The following RGS6 variants were observed in gnomAD, a reference collection of about 807,000 sequenced individuals.
RGS6 encodes the protein regulator of G-protein signaling 6.
A neutral mutation model predicts 78.5 loss-of-function variants in RGS6; 30 were observed. That is an observed-to-expected ratio of 0.38 (90% CI 0.29 to 0.52). RGS6 has a LOEUF of 0.52. Ranked by LOEUF, RGS6 falls within the 20% of genes least tolerant of loss-of-function variation. The pLI is 0.85. For missense variants in RGS6, 495 were observed against 609.7 expected (o/e 0.81, Z 1.98); for synonymous variants, 206 against 206.0 (o/e 1.00, Z 0.00).
chr14:72,174,344 C>T (rs374023128), intron 2 of RGS6, among the ~76,000 whole-genome samples: 4 of 152,224 alleles, frequency 2.6e-5, no homozygotes, highest in South Asian at 2.1e-4. Context: ...GTGATCTGCC[C>T]GCCTTGGCCA....
At chr14:72,269,567 AT>A (rs56171281) in intron 2 of RGS6, among the ~76,000 whole-genome samples, 195 of 120,294 alleles carry the variant, frequency 1.6e-3, no homozygotes, top group African/African-American at 3.1e-3. Flanking sequence ...CCTATCTTAA[AT>A]TTTTTTTTTT....
intron 2 of RGS6, among the ~76,000 whole-genome samples, chr14:72,065,621 G>A (rs561839177): frequency 1.3e-5 from 2 of 152,140 alleles, no homozygotes; most frequent in Non-Finnish European, 2.9e-5. Context: ...ATCCTCAAAC[G>A]TCATTGGGGT....
At chr14:72,608,642 G>A in the RGS6 span, among the ~76,000 whole-genome samples, 2 of 152,098 alleles carry the variant, frequency 1.3e-5, no homozygotes, top group East Asian at 3.9e-4. Flanking sequence ...TTCTCTGAGG[G>A]GTCTCCAGAA....
the RGS6 span, among the ~76,000 whole-genome samples, chr14:72,624,531 G>A: frequency 6.6e-6 from 1 of 151,910 alleles, no homozygotes; most frequent in Non-Finnish European, 1.5e-5. Context: ...TAGAGACAGG[G>A]CTTCACCAAG....
At chr14:72,008,337 G>C (rs1262836478) in intron 2 of RGS6, among the ~76,000 whole-genome samples, 1 of 152,200 alleles carries the variant, frequency 6.6e-6, no homozygotes, top group Non-Finnish European at 1.5e-5. Context: ...GGCTGATTTA[G>C]ATGATGAGGG....
rs544731482 is a variant in RGS6, at chr14:72,001,310, C to T, written c.84+36435C>T. ...TGAAATCAGTGTGTTGATGATTTTT[C>T]CTACCTCATAGAATTCTTTAAAAAT... On this transcript the variant is annotated intron_variant, in intron 2 of 17. Coordinates refer to ENST00000553525, the MANE Select transcript of RGS6 (RefSeq NM_001204424.2). Among the ~76,000 whole-genome samples, 5 of 152,260 alleles carry T rather than the reference C, an allele frequency of 3.3e-5. No homozygotes were observed. In the East Asian group the frequency reaches 5.8e-4, roughly 18 times the overall value.
intron 2 of RGS6, among the ~76,000 whole-genome samples, chr14:72,283,027 A>G (rs1595268370): frequency 6.6e-6 from 1 of 152,124 alleles, no homozygotes; most frequent in African/African-American, 2.4e-5. Flanking sequence ...ACCATGTAGT[A>G]TTTGTCCTTC....
At chr14:72,189,913 C>T (rs1379755136) in intron 2 of RGS6, among the ~76,000 whole-genome samples, 2 of 152,172 alleles carry the variant, frequency 1.3e-5, no homozygotes, top group Non-Finnish European at 2.9e-5. Context: ...TATAGGGCCT[C>T]GTTCATAAAA....
At chr14:72,576,219 C>T in the RGS6 span, among the ~76,000 whole-genome samples, 1 of 152,140 alleles carries the variant, frequency 6.6e-6, no homozygotes. Flanking sequence ...ATATTTCCTC[C>T]AGGTCCTATA....
the RGS6 span, chr14:72,619,278 CAT>C: frequency 2.0e-6 from 3 of 1,535,844 alleles, no homozygotes; most frequent in South Asian, 3.6e-5. Context: ...CAGCGAGTCA[CAT>C]TCTGTGACCT....
At chr14:72,253,160 T>G (rs2056236808) in intron 2 of RGS6, among the ~76,000 whole-genome samples, 1 of 152,224 alleles carries the variant, frequency 6.6e-6, no homozygotes, top group African/African-American at 2.4e-5. Flanking sequence ...ACTATCCACA[T>G]CCGTGCTTAG....
chr14:72,209,984 T>C (rs1023493347), intron 2 of RGS6, among the ~76,000 whole-genome samples: 1 of 152,194 alleles, frequency 6.6e-6, no homozygotes, highest in African/African-American at 2.4e-5. Context: ...CCATATTAGG[T>C]AGATATTTAG....
In RGS6 at chr14:72,129,897, A is replaced by G. The variant is rs186421849; in HGVS notation, c.84+165022A>G. Among the ~76,000 whole-genome samples, 17 of 152,336 alleles carry G rather than the reference A, an allele frequency of 1.1e-4. No homozygotes were observed. The East Asian group carries it at 3.3e-3, about 29-fold the overall frequency. On this transcript the variant is annotated intron_variant, in intron 2 of 17. Coordinates refer to ENST00000553525, the MANE Select transcript of RGS6 (RefSeq NM_001204424.2). Reference sequence around the variant, plus strand: ...CACTGTTTTCCCATCGATAACTGGTATCAACCCAGCATCCTACAGCTCAAT... The same window carrying G: ...CACTGTTTTCCCATCGATAACTGGTGTCAACCCAGCATCCTACAGCTCAAT...
At chr14:72,130,434 C>A (rs150098812) in intron 2 of RGS6, among the ~76,000 whole-genome samples, 2 of 152,154 alleles carry the variant, frequency 1.3e-5, no homozygotes, top group Non-Finnish European at 2.9e-5. Flanking sequence ...TTGAAAGTTC[C>A]TCTAATTATG....
intron 2 of RGS6, among the ~76,000 whole-genome samples, chr14:72,006,102 T>C (rs1265126003): frequency 6.6e-6 from 1 of 152,178 alleles, no homozygotes; most frequent in Admixed American, 6.5e-5. Context: ...AAATGCTTCC[T>C]ATAGGCAGGA....
chr14:72,166,015 A>G (rs2096920225), intron 2 of RGS6, among the ~76,000 whole-genome samples: 1 of 151,476 alleles, frequency 6.6e-6, no homozygotes. Flanking sequence ...GTTAATTGAT[A>G]ATATGTATCT....
chr14:72,401,531 G>A (rs1254878260), intron 3 of RGS6, among the ~76,000 whole-genome samples: 1 of 151,718 alleles, frequency 6.6e-6, no homozygotes, highest in Non-Finnish European at 1.5e-5. Context: ...GGCAAAGAAT[G>A]AGAAGAGCTG....
chr14:71,931,814 C>T (rs926127727), upstream of RGS6, among the ~76,000 whole-genome samples: 1 of 152,194 alleles, frequency 6.6e-6, no homozygotes, highest in Non-Finnish European at 1.5e-5. Flanking sequence ...CTGCTTCCCC[C>T]AAGAATATCT....
chr14:72,063,107 G>A (rs766953445), intron 2 of RGS6, among the ~76,000 whole-genome samples: 8 of 152,228 alleles, frequency 5.3e-5, no homozygotes, highest in South Asian at 2.1e-4. Flanking sequence ...ACAATCATGC[G>A]CCACCACGCC....
Sources: gnomAD v4.1 joint callset for allele counts (sites outside exome capture counted in the v4.1 genomes callset) on GRCh38, gnomAD v4.1.1 for gene constraint, MANE v1.5 for transcripts, NCBI Gene and HGNC (gene_info 2026-07-23, HGNC 2026-07-21) for gene names.